Variants in NAALADL2 observed in about 807,000 individuals in gnomAD.
The protein encoded by NAALADL2 is N-acetylated alpha-linked acidic dipeptidase like 2.
Under a neutral mutation model 87.2 loss-of-function variants are expected in NAALADL2, and 76 were observed. The ratio of observed to expected loss-of-function variants is 0.87; its 90% CI spans 0.72 to 1.05. NAALADL2 has a LOEUF of 1.05. Among genes scored for constraint, NAALADL2 ranks in the 50% least tolerant of loss-of-function variants. The pLI, the probability that NAALADL2 is intolerant of heterozygous loss-of-function variation, is 0.00. For synonymous variants in NAALADL2, 354 were observed against 331.0 expected, an observed-to-expected ratio of 1.07 and a Z score of -0.75; for missense variants, 1,089 against 945.8, an observed-to-expected ratio of 1.15 and a Z score of -1.99.
intron 8 of NAALADL2, 51 bp from the exon 9 acceptor site, chr3:175,471,588 G>C: frequency 9.8e-7 from 1 of 1,017,502 alleles, no homozygotes; most frequent in Admixed American, 2.5e-5. Flanking sequence ...TAATAAAGTA[G>C]AATCTATTTA....
chr3:175,680,819 A>G (rs1465563533), intron 11 of NAALADL2, among the ~76,000 whole-genome samples: 1 of 152,216 alleles, frequency 6.6e-6, no homozygotes, highest in Non-Finnish European at 1.5e-5. Flanking sequence ...TGTTCAGTTA[A>G]AAACATCCTT....
At chr3:174,548,389 A>G (rs1711640432) in intron 1 of NAALADL2, among the ~76,000 whole-genome samples, 1 of 152,194 alleles carries the variant, frequency 6.6e-6, no homozygotes, top group African/African-American at 2.4e-5. Flanking sequence ...CAGAAAAAAA[A>G]CTAGAAAAAA....
intron 13 of NAALADL2, among the ~76,000 whole-genome samples, chr3:175,799,718 C>T (rs1234831317): frequency 6.6e-6 from 1 of 152,058 alleles, no homozygotes; most frequent in Non-Finnish European, 1.5e-5. Context: ...ATAAGTATTT[C>T]ACTAATTCTC....
intron 9 of NAALADL2, among the ~76,000 whole-genome samples, chr3:175,546,286 T>G (rs1713303941): frequency 6.6e-6 from 1 of 152,174 alleles, no homozygotes; most frequent in African/African-American, 2.4e-5. Flanking sequence ...TGTATGTCCT[T>G]GCATGTGAGA....
chr3:174,673,395 C>T (rs1394947795), intron 2 of NAALADL2, among the ~76,000 whole-genome samples: 2 of 151,868 alleles, frequency 1.3e-5, no homozygotes, highest in Non-Finnish European at 2.9e-5. Flanking sequence ...AATACATTTG[C>T]TATGGGCCTT....
intron 9 of NAALADL2, among the ~76,000 whole-genome samples, chr3:175,488,831 A>T (rs1727666711): frequency 6.6e-6 from 1 of 152,236 alleles, no homozygotes; most frequent in Non-Finnish European, 1.5e-5. Context: ...TGACTAGAAG[A>T]GGCTGGAAGA....
intron 3 of NAALADL2, among the ~76,000 whole-genome samples, chr3:174,824,899 CA>C (rs1399116754): frequency 6.6e-6 from 1 of 152,070 alleles, no homozygotes; most frequent in Admixed American, 6.5e-5. Context: ...AAATTTTATA[CA>C]TTTTTTGGAG....
intron 9 of NAALADL2, among the ~76,000 whole-genome samples, chr3:175,539,135 G>A (rs959505427): frequency 8.5e-5 from 13 of 152,140 alleles, no homozygotes; most frequent in African/African-American, 3.1e-4. Flanking sequence ...GGGACCTCGG[G>A]AACATGTTCT....
At chr3:175,131,379 A>G (rs113650159) in intron 2 of NAALADL2, among the ~76,000 whole-genome samples, 2,912 of 152,184 alleles carry the variant, frequency 0.019, 94 homozygotes, top group African/African-American at 0.067. Flanking sequence ...GCCTTCAAGC[A>G]TCTGTTTAAC....
chr3:175,012,737 G>A (rs1259905245), intron 1 of NAALADL2, among the ~76,000 whole-genome samples: 1 of 151,726 alleles, frequency 6.6e-6, no homozygotes, highest in Admixed American at 6.6e-5. Flanking sequence ...TAGTTGTGAC[G>A]GGGAACACTT....
At chr3:174,582,170 TTGCCA>T (rs774713042) in intron 2 of NAALADL2, among the ~76,000 whole-genome samples, 9 of 152,168 alleles carry the variant, frequency 5.9e-5, no homozygotes, top group Non-Finnish European at 1.2e-4. Context: ...AGTAGTTAGG[TTGCCA>T]CTTGTGATCT....
chr3:174,445,682 T>A (rs190195450), intron 1 of NAALADL2, among the ~76,000 whole-genome samples: 1 of 152,138 alleles, frequency 6.6e-6, no homozygotes, highest in South Asian at 2.1e-4. Flanking sequence ...ATAAAGTTGA[T>A]GTGATTTATA....
intron 1 of NAALADL2, among the ~76,000 whole-genome samples, chr3:174,466,502 G>A (rs1314940844): frequency 2.0e-5 from 3 of 152,104 alleles, no homozygotes; most frequent in South Asian, 2.1e-4. Context: ...TGAAGCAGGG[G>A]AAAATGGATT....
At chr3:174,873,269 ATTTT>A (rs1728079166) in intron 1 of NAALADL2, among the ~76,000 whole-genome samples, 1 of 106,166 alleles carries the variant, frequency 9.4e-6, no homozygotes, top group African/African-American at 3.4e-5. Flanking sequence ...TTATTTATTT[ATTTT>A]AGACGGAGTC....
rs1042049271 is a variant in NAALADL2, at chr3:174,687,667, C to T, written c.-114-49974C>T. Among the ~76,000 whole-genome samples, 9 of 152,156 alleles carry T rather than the reference C, an allele frequency of 5.9e-5. No individual in the cohort carries two copies. The South Asian group carries it at 1.7e-3, about 28-fold the overall frequency. Reference sequence around the variant, plus strand: ...GTGTTTATTACCTTTGTTTCTAATACAATTTCTTTAATTTTATTTATGTTA... The same window carrying T: ...GTGTTTATTACCTTTGTTTCTAATATAATTTCTTTAATTTTATTTATGTTA... On this transcript the variant is annotated intron_variant, in intron 2 of 3. Coordinates refer to the NAALADL2 transcript ENST00000434257.
At chr3:175,518,062 C>G (rs1732133201) in intron 9 of NAALADL2, among the ~76,000 whole-genome samples, 4 of 152,140 alleles carry the variant, frequency 2.6e-5, no homozygotes, top group African/African-American at 9.7e-5. Flanking sequence ...ATGCCTAGTC[C>G]CAGATAGCCT....
At chr3:175,208,965 T>A (rs1198819559) in intron 2 of NAALADL2, among the ~76,000 whole-genome samples, 4 of 152,200 alleles carry the variant, frequency 2.6e-5, no homozygotes, top group Non-Finnish European at 5.9e-5. Flanking sequence ...ATTTTGTTTT[T>A]AAATCTATTG....
At chr3:175,510,796 C>T (rs1197261010) in intron 9 of NAALADL2, among the ~76,000 whole-genome samples, 1 of 152,120 alleles carries the variant, frequency 6.6e-6, no homozygotes, top group African/African-American at 2.4e-5. Context: ...AATCCCAGGT[C>T]TCCCACTTAG....
At chr3:175,356,094 G>A (rs900679327) in intron 5 of NAALADL2, among the ~76,000 whole-genome samples, 1 of 152,110 alleles carries the variant, frequency 6.6e-6, no homozygotes, top group African/African-American at 2.4e-5. Context: ...CTTGGAAACC[G>A]AGGAAGAAGA....
Sources: gnomAD v4.1 joint callset for allele counts (sites outside exome capture counted in the v4.1 genomes callset) on GRCh38, gnomAD v4.1.1 for gene constraint, MANE v1.5 for transcripts, NCBI Gene and HGNC (gene_info 2026-07-23, HGNC 2026-07-21) for gene names.